BRINP2: variants seen among roughly 807,000 people sequenced by gnomAD.
BRINP2 encodes BMP/retinoic acid inducible neural specific 2, also known as BMP/retinoic acid-inducible neural-specific protein 2.
In BRINP2, 21 loss-of-function variants were observed where a neutral mutation model predicts 69.2. That is an observed-to-expected ratio of 0.30 (90% CI 0.22 to 0.44). The LOEUF is 0.44. Ranked by LOEUF, BRINP2 falls within the 20% of genes least tolerant of loss-of-function variation. BRINP2 has a pLI of 1.00. For missense variants in BRINP2, 877 were observed against 986.0 expected (o/e 0.89, Z 1.48); for synonymous variants, 380 against 394.1 (o/e 0.96, Z 0.42).
In BRINP2 at chr1:177,171,132, C is replaced by A. The variant is rs1422685309; in HGVS notation, c.-677C>A. On this transcript the variant is annotated 5_prime_UTR_variant, in exon 1 of 8. Transcript: ENST00000361539. ...GACTTGCCCGGGGATGTGCACCTGCCGTGCGCTCCGAGGTCAGTGGCAGGT... is the reference window on the plus strand; with the variant it reads ...GACTTGCCCGGGGATGTGCACCTGCAGTGCGCTCCGAGGTCAGTGGCAGGT... 6.6e-6 allele frequency among the ~76,000 whole-genome samples: 1 copy of A among 152,246 alleles called. No homozygotes were observed. The highest frequency in any genetic ancestry group is 1.5e-5 in the Non-Finnish European group (1 of 68,042).
At chr1:177,235,769 G>A (rs770555025) in intron 2 of BRINP2, among the ~76,000 whole-genome samples, 4 of 152,174 alleles carry the variant, frequency 2.6e-5, no homozygotes, top group Non-Finnish European at 4.4e-5. Context: ...GATTTCCAAG[G>A]TGTGCATTAC....
rs3176443 is a variant in BRINP2 at position 177,278,718 on chromosome 1, C to G, written c.1168C>G (p.Leu390Val). The change falls in exon 7 of 8, where the codon CTA (leucine) becomes GTA (valine). Residue 390 changes from leucine to valine, a missense_variant. Coordinates refer to ENST00000361539, the MANE Select transcript of BRINP2 (RefSeq NM_021165.4). ...KVLFKKTHRI[L>V]RRLFNLCKRC... ...GCTGTTCAAAAAGACCCATCGGATC[C>G]TACGCCGGCTCTTCAACCTCTGCAA... The G allele has an allele frequency of 0.21, 337,878 of 1,614,014 alleles. 37,698 individuals carry two copies. Among genetic ancestry groups the G allele is most frequent in the African/African-American group, 0.4 (29,730 of 74,978 alleles).
intron 1 of BRINP2, among the ~76,000 whole-genome samples, chr1:177,224,871 A>G (rs1376106512): frequency 1.3e-5 from 2 of 152,168 alleles, no homozygotes; most frequent in African/African-American, 4.8e-5. Flanking sequence ...TTACTCTCAT[A>G]CCTATTTTAC....
intron 1 of BRINP2, among the ~76,000 whole-genome samples, chr1:177,228,230 C>T (rs570317733): frequency 2.0e-5 from 3 of 152,332 alleles, no homozygotes; most frequent in South Asian, 2.1e-4. Context: ...TGACGCTGAA[C>T]GTCCAGCCAC....
intron 1 of BRINP2, among the ~76,000 whole-genome samples, chr1:177,177,990 G>A (rs1009171501): frequency 5.9e-5 from 9 of 152,104 alleles, no homozygotes; most frequent in Admixed American, 1.3e-4. Context: ...AAATCCACCC[G>A]ACTTCCAAAC....
At chr1:177,222,474 G>T (rs981815554) in intron 1 of BRINP2, among the ~76,000 whole-genome samples, 1 of 151,996 alleles carries the variant, frequency 6.6e-6, no homozygotes, top group South Asian at 2.1e-4. Context: ...ATCATGCCCA[G>T]CTAATTTTTA....
At chr1:177,219,705 C>A (rs1169037182) in intron 1 of BRINP2, among the ~76,000 whole-genome samples, 4 of 152,206 alleles carry the variant, frequency 2.6e-5, no homozygotes, top group Admixed American at 6.5e-5. Context: ...AATGACAGGC[C>A]TGGCAGAAAG....
chr1:177,222,989 C>T (rs759932610), intron 1 of BRINP2, among the ~76,000 whole-genome samples: 1 of 152,138 alleles, frequency 6.6e-6, no homozygotes, highest in African/African-American at 2.4e-5. Context: ...TTGGGATGAG[C>T]GACTTTTTAT....
chr1:177,240,005 G>C (rs1422678361), intron 2 of BRINP2, among the ~76,000 whole-genome samples: 1 of 152,220 alleles, frequency 6.6e-6, no homozygotes, highest in Admixed American at 6.5e-5. Context: ...CAGTGAATCA[G>C]AGTGAGTAAG....
intron 2 of BRINP2, among the ~76,000 whole-genome samples, chr1:177,251,096 T>C (rs1650568200): frequency 6.6e-6 from 1 of 152,228 alleles, no homozygotes; most frequent in African/African-American, 2.4e-5. Context: ...TTCTAGGTCA[T>C]TCACTATTCT....
chr1:177,204,748 A>G (rs10753147), intron 1 of BRINP2, among the ~76,000 whole-genome samples: 59,928 of 152,098 alleles, frequency 0.39, 12,099 homozygotes, highest in South Asian at 0.49. Context: ...ATTAGCCAAA[A>G]TGAAGCAAAT....
chr1:177,276,528 T>C, intron 6 of BRINP2, 94 bp downstream of exon 6: 4 of 1,127,378 alleles, frequency 3.5e-6, no homozygotes, highest in Non-Finnish European at 5.2e-6. Flanking sequence ...TTGAGGATCC[T>C]CATGGGGATC....
At chr1:177,187,272 C>T (rs528046349) in intron 1 of BRINP2, among the ~76,000 whole-genome samples, 4 of 152,280 alleles carry the variant, frequency 2.6e-5, no homozygotes, top group South Asian at 2.1e-4. Context: ...AAAATGCTTA[C>T]GGCACATCCA....
chr1:177,195,661 G>T (rs930746433), intron 1 of BRINP2, among the ~76,000 whole-genome samples: 2 of 151,754 alleles, frequency 1.3e-5, no homozygotes, highest in East Asian at 1.9e-4. Context: ...CTGGCAAGTG[G>T]GGGGGGAATC....
intron 4 of BRINP2, among the ~76,000 whole-genome samples, chr1:177,265,980 C>T (rs893264920): frequency 6.6e-6 from 1 of 151,586 alleles, no homozygotes; most frequent in South Asian, 2.1e-4. Flanking sequence ...ATTAGCTGGG[C>T]GTGGTGGCAG....
At position 177,193,928 on chromosome 1, in the gene BRINP2, C is replaced by T. The variant is rs137982089; in HGVS notation, c.-77+22196C>T. On this transcript the variant is annotated intron_variant, in intron 1 of 7. Transcript: ENST00000361539. ...TCAGGGGAATAACTCATTTAGGAGA[C>T]GGACTTGCTCAAGGTCACTGAAATA... is the stretch of plus-strand genomic sequence containing the variant. Among the ~76,000 whole-genome samples, 842 of 152,234 alleles carry T rather than the reference C, an allele frequency of 5.5e-3. 7 individuals are homozygous for T. Among genetic ancestry groups the T allele is most frequent in the African/African-American group, 0.018 (764 of 41,522 alleles).
At chr1:177,253,431 T>G (rs1558178132) in intron 2 of BRINP2, among the ~76,000 whole-genome samples, 1 of 152,310 alleles carries the variant, frequency 6.6e-6, no homozygotes, top group Admixed American at 6.5e-5. Flanking sequence ...TTACATATTC[T>G]GGATATTAAC....
chr1:177,253,729 T>TTTATTC (rs1650659326), intron 2 of BRINP2, among the ~76,000 whole-genome samples: 1 of 152,134 alleles, frequency 6.6e-6, no homozygotes, highest in Admixed American at 6.5e-5. Flanking sequence ...GAAAGATAGT[T>TTTATTC]TTATTCTTCT....
intron 4 of BRINP2, among the ~76,000 whole-genome samples, chr1:177,259,304 AG>A (rs1233435911): frequency 8.5e-5 from 13 of 152,172 alleles, no homozygotes; most frequent in Admixed American, 8.5e-4. Context: ...GCAGACTGAG[AG>A]GGGTCAAAAA....
Sources: allele counts gnomAD v4.1 joint callset (sites outside exome capture counted in the v4.1 genomes callset), GRCh38; gene constraint gnomAD v4.1.1; transcripts MANE v1.5; gene names NCBI Gene and HGNC (gene_info 2026-07-23, HGNC 2026-07-21).